ZNF239: variants seen among roughly 807,000 people sequenced by gnomAD.
The protein encoded by ZNF239 is zinc finger protein 239.
A neutral mutation model predicts 27.5 loss-of-function variants in ZNF239; 16 were observed. The ratio of observed to expected loss-of-function variants is 0.58; its 90% CI spans 0.39 to 0.88. The LOEUF (loss-of-function observed/expected upper bound fraction) is 0.88, where lower values mean the gene tolerates loss of function less well. ZNF239 is among the 40% of genes least tolerant of loss of function. The pLI is 0.00. For missense variants in ZNF239, 527 were observed against 551.9 expected, an observed-to-expected ratio of 0.95 and a Z score of 0.45; for synonymous variants, 199 against 192.6, an observed-to-expected ratio of 1.03 and a Z score of -0.27.
At chr10:43,559,559 T>C (rs907078109) in intron 3 of ZNF239, among the ~76,000 whole-genome samples, 1 of 152,134 alleles carries the variant, frequency 6.6e-6, no homozygotes, top group East Asian at 1.9e-4. Context: ...ATCTGTGGTG[T>C]TGGTGGAACA....
At chr10:43,558,716 T>G (rs1451539909) in intron 3 of ZNF239, among the ~76,000 whole-genome samples, 2 of 152,244 alleles carry the variant, frequency 1.3e-5, no homozygotes, top group Admixed American at 1.3e-4. Flanking sequence ...CCCAAAGTGC[T>G]GGGATTACAG....
rs1837129057 is a variant in ZNF239 at position 43,560,304 on chromosome 10, A to G, written c.-92-2133T>C. Among the ~76,000 whole-genome samples the G allele has an allele frequency of 2.0e-5, 3 of 152,260 alleles. No homozygotes were observed. The South Asian group carries it at 6.2e-4, about 32-fold the overall frequency. ...TGACCAATGGATTAAGGTACAAAAA[A>G]GAAGTAATTGACAACATAAGTGCCC... is the stretch of plus-strand genomic sequence containing the variant. On this transcript the variant is annotated intron_variant, in intron 3 of 3. Coordinates refer to ENST00000374446, the MANE Select transcript of ZNF239 (RefSeq NM_001099282.2).
intron 3 of ZNF239, among the ~76,000 whole-genome samples, chr10:43,558,745 G>A (rs3006384): frequency 0.54 from 81,391 of 152,044 alleles, 22,065 homozygotes; most frequent in South Asian, 0.61. Flanking sequence ...CACCACACCC[G>A]GCCTACTTTC....
rs1352325158 is a variant in ZNF239, at chr10:43,556,547, C to G, written c.*156G>C. The G allele has an allele frequency of 3.1e-6, 3 of 977,118 alleles. No individual in the cohort carries two copies. The East Asian group carries it at 7.9e-5, about 26-fold the overall frequency. The allele number at this position is 977,118 out of a possible 1,614,324, so 60.5% of individuals were successfully genotyped here. A position where few individuals can be genotyped will look rare whatever the true frequency, so the allele number is the denominator to read the frequency against. On this transcript the variant is annotated 3_prime_UTR_variant, in exon 4 of 4. Coordinates refer to ENST00000374446, the MANE Select transcript of ZNF239 (RefSeq NM_001099282.2). ...GTACAGCATAACAAAGTGCTTGATA[C>G]TTAAATATTTTGAATGAGTGATTTT...
intron 2 of ZNF239, among the ~76,000 whole-genome samples, chr10:43,572,268 G>A (rs756530893): frequency 6.6e-6 from 1 of 152,182 alleles, no homozygotes; most frequent in Non-Finnish European, 1.5e-5. Flanking sequence ...AGAAGCGAAG[G>A]AAGGAAAATG....
chr10:43,568,459 G>A (rs979363154), intron 2 of ZNF239: 1 of 985,284 alleles, frequency 1.0e-6, no homozygotes, highest in African/African-American at 1.7e-5. Context: ...ATCGGGACTA[G>A]TCCACTACCT....
Position 43,570,174 on chromosome 10 carries a change from C to T in ZNF239, c.-215-2153G>A, listed in dbSNP as rs898123207. On this transcript the variant is annotated intron_variant, in intron 2 of 3. Transcript: ENST00000374446. ...GCCCTGCAGGAGTGACATGACTTACCCAACTTGTCACCAGTGGGGAAGGAT... is the reference window on the plus strand; with the variant it reads ...GCCCTGCAGGAGTGACATGACTTACTCAACTTGTCACCAGTGGGGAAGGAT... The T allele has an allele frequency of 1.4e-5, 14 of 985,242 alleles. No homozygotes were observed. The Admixed American group carries it at 1.8e-4, about 13-fold the overall frequency. 61.0% of individuals were successfully genotyped at this position (985,242 alleles called of 1,614,324 possible). A position where few individuals can be genotyped will look rare whatever the true frequency, so the allele number is the denominator to read the frequency against.
chr10:43,562,046 T>C (rs1445700072), intron 3 of ZNF239, among the ~76,000 whole-genome samples: 2 of 152,192 alleles, frequency 1.3e-5, no homozygotes, highest in African/African-American at 4.8e-5. Flanking sequence ...GTCAAAGCAA[T>C]GTAAGCATTC....
At chr10:43,570,376 C>T in intron 2 of ZNF239, 1 of 985,350 alleles carries the variant, frequency 1.0e-6, no homozygotes, top group Non-Finnish European at 1.2e-6. Flanking sequence ...CATCCTTTAG[C>T]AAGGCATGAC....
chr10:43,573,034 G>A (rs1453710730), intron 2 of ZNF239, among the ~76,000 whole-genome samples: 22 of 152,080 alleles, frequency 1.4e-4, no homozygotes, highest in Admixed American at 1.4e-3. Flanking sequence ...CCTTTCACTA[G>A]GTCTGGAAGA....
Position 43,557,629 on chromosome 10 carries a change from C to T in ZNF239, c.451G>A (p.Asp151Asn). Residue 151 changes from aspartate (D) to asparagine (N), a missense_variant, in exon 4 of 4, where the codon GAC (aspartate) becomes AAC (asparagine). Transcript: ENST00000374446. ...GQLKESLDPI[D>N]CNCKDIHGWK... is the part of the protein sequence containing the mutation. ...CCATGAATGTCTTTGCAGTTACAGT[C>T]AATGGGATCCAAAGATTCTTTTAAC... The T allele has an allele frequency of 6.2e-7, 1 of 1,614,178 alleles. No individual in the cohort carries two copies. The highest frequency in any genetic ancestry group is 1.3e-5 in the African/African-American group (1 of 75,068).
chr10:43,564,021 G>T (rs1022090188), intron 3 of ZNF239, among the ~76,000 whole-genome samples: 3 of 152,112 alleles, frequency 2.0e-5, no homozygotes, highest in African/African-American at 7.2e-5. Flanking sequence ...GCCAGGCCAT[G>T]TTCACCACCT....
In ZNF239 at chr10:43,567,825, C is replaced by T. The variant is rs543793607; in HGVS notation, c.-93+74G>A. 9.5e-6 allele frequency: 8 copies of T among 844,942 alleles called. 1 individual carries two copies. The highest frequency in any genetic ancestry group is 1.2e-4 in the East Asian group (1 of 8,144). The allele number at this position is 844,942 out of a possible 1,614,324, so 52.3% of individuals were successfully genotyped here. ...CTGCTTAGAATAGTCAGAAAACATCCTTTTGTGTCAAAAAGGAAGTAGGAA... is the reference window on the plus strand; with the variant it reads ...CTGCTTAGAATAGTCAGAAAACATCTTTTTGTGTCAAAAAGGAAGTAGGAA... On this transcript the variant is annotated intron_variant, in intron 3 of 3. Coordinates refer to ENST00000374446, the MANE Select transcript of ZNF239 (RefSeq NM_001099282.2).
rs1836793680 is a variant in ZNF239 at position 43,557,006 on chromosome 10, C to T, written c.1074G>A (p.Gln358=). The T allele has an allele frequency of 6.2e-7, 1 of 1,614,082 alleles. No individual in the cohort carries two copies. The change falls in exon 4 of 4, where the codon CAG becomes CAA. Residue 358 remains glutamine, a synonymous_variant. Transcript: ENST00000374446. The part of the protein sequence containing the change: ...KCGECGKGFS[Q]SSNLHIHRCI... Reference sequence around the variant, plus strand: ...ACCGGTGAATGTGAAGGTTCGAGCTCTGACTGAAGCCCTTCCCACACTCAC... The same window carrying T: ...ACCGGTGAATGTGAAGGTTCGAGCTTTGACTGAAGCCCTTCCCACACTCAC...
At position 43,558,018 on chromosome 10, in the gene ZNF239, C is replaced by T. The variant is rs1360623428; in HGVS notation, c.62G>A (p.Gly21Glu). 6.2e-7 allele frequency: 1 copy of T among 1,614,034 alleles called. No homozygotes were observed. The highest frequency in any genetic ancestry group is 1.7e-5 in the Admixed American group (1 of 59,996). Residue 21 changes from glycine (G) to glutamate (E), a missense_variant, in exon 4 of 4, where the codon GGG (glycine) becomes GAG (glutamate). Transcript: ENST00000374446. ...CIVNHRGEVD[G>E]EPELDISPCQ... ...AGGGGAAATATCTAGTTCAGGCTCC[C>T]CATCCACTTCCCCTCGATGATTCAC...
chr10:43,565,756 A>C (rs1837591013), intron 3 of ZNF239, among the ~76,000 whole-genome samples: 1 of 131,064 alleles, frequency 7.6e-6, no homozygotes. Context: ...CGGAGGTGGC[A>C]GTGAGCCCAG....
intron 2 of ZNF239, chr10:43,570,306 G>A (rs183673158): frequency 4.3e-5 from 42 of 985,114 alleles, no homozygotes; most frequent in Non-Finnish European, 5.1e-5. Context: ...CTCAAGCCCC[G>A]GAGTAAAGGT....
At chr10:43,565,112 C>T (rs1837538753) in intron 3 of ZNF239, among the ~76,000 whole-genome samples, 1 of 152,132 alleles carries the variant, frequency 6.6e-6, no homozygotes, top group Admixed American at 6.5e-5. Context: ...GGGACAGAGT[C>T]TCACTCTGTC....
Position 43,557,351 on chromosome 10 carries a change from G to T in ZNF239, c.729C>A (p.Gly243=). 6.2e-7 allele frequency: 1 copy of T among 1,614,126 alleles called. No homozygotes were observed. ...TAAGCAGACTCGAGCTCCTTGTGAA[G>T]CCCTTCCCACATTGCTCACATTTGT... ...KPYKCEQCGK[G]FTRSSSLLIH... The change falls in exon 4 of 4, where the codon GGC becomes GGA. Residue 243 remains glycine, a synonymous_variant. Coordinates refer to ENST00000374446, the MANE Select transcript of ZNF239 (RefSeq NM_001099282.2).
Sources: allele counts gnomAD v4.1 joint callset (sites outside exome capture counted in the v4.1 genomes callset), GRCh38; gene constraint gnomAD v4.1.1; transcripts MANE v1.5; gene names NCBI Gene and HGNC (gene_info 2026-07-23, HGNC 2026-07-21).